ACER2: variants seen among roughly 807,000 people sequenced by gnomAD.
The protein encoded by ACER2 is alkCDase 2.
Under a neutral mutation model 34.7 loss-of-function variants are expected in ACER2, and 26 were observed. The ratio of observed to expected loss-of-function variants is 0.75; its 90% CI spans 0.55 to 1.04. The LOEUF (loss-of-function observed/expected upper bound fraction) is 1.04. ACER2 is among the 50% of genes least tolerant of loss of function. The probability of loss-of-function intolerance (pLI) is 0.00; values close to 1 mark genes in which losing one functional copy is unlikely to be tolerated. For synonymous variants in ACER2, 138 were observed against 132.1 expected (o/e 1.04, Z -0.31); for missense variants, 352 against 340.8 (o/e 1.03, Z -0.26).
At chr9:19,443,934 G>A (rs927537620) in intron 4 of ACER2, among the ~76,000 whole-genome samples, 3 of 152,158 alleles carry the variant, frequency 2.0e-5, no homozygotes, top group Non-Finnish European at 2.9e-5. Flanking sequence ...TGGGATTACA[G>A]GGGTGAGCTC....
Position 19,435,074 on chromosome 9 carries a change from G to T in ACER2, c.493G>T (p.Glu165Ter), listed in dbSNP as rs973641688. 2.4e-5 allele frequency: 39 copies of T among 1,614,054 alleles called. No homozygotes were observed. Among genetic ancestry groups the T allele is most frequent in the Non-Finnish European group, 3.1e-5 (37 of 1,179,994 alleles). ...GVPCTALLIA[E>*]LKRCDNMRVF... Reference sequence around the variant, plus strand: ...TCCTTGCACTGCACTGCTCATCGCAGAGCTAAAGAGGTAGGTGCCATCATT... The same window carrying T: ...TCCTTGCACTGCACTGCTCATCGCATAGCTAAAGAGGTAGGTGCCATCATT... Residue 165 changes from glutamate to a stop codon, truncating the protein, a stop_gained, in exon 4 of 6, where the codon GAG becomes TAG. Transcript: ENST00000340967. LOFTEE classifies it high-confidence loss of function.
At chr9:19,409,223 G>C in intron 1 of ACER2, 31 bp downstream of exon 1, 1 of 1,553,666 alleles carries the variant, frequency 6.4e-7, no homozygotes, top group Non-Finnish European at 8.7e-7. Flanking sequence ...GAAGGCAGGC[G>C]GGCCAGCGGG....
chr9:19,435,370 T>C (rs762470973), intron 4 of ACER2, among the ~76,000 whole-genome samples: 1 of 152,182 alleles, frequency 6.6e-6, no homozygotes, highest in Non-Finnish European at 1.5e-5. Flanking sequence ...GACTTAATTC[T>C]GTAGAAAAGA....
intron 3 of ACER2, among the ~76,000 whole-genome samples, chr9:19,433,493 TC>T (rs1477821437): frequency 2.0e-5 from 3 of 151,890 alleles, no homozygotes; most frequent in Non-Finnish European, 4.4e-5. Flanking sequence ...ATCAACAGGA[TC>T]CCAAGGCAGA....
At chr9:19,424,634 A>C in intron 2 of ACER2, 66 bp from the exon 3 acceptor site, 2 of 1,602,540 alleles carry the variant, frequency 1.2e-6, no homozygotes, top group Non-Finnish European at 1.7e-6. Context: ...GACTATCCTT[A>C]AGCAGTGTAT....
intron 5 of ACER2, among the ~76,000 whole-genome samples, chr9:19,447,969 TA>T (rs201473124): frequency 8.9e-6 from 1 of 112,158 alleles, no homozygotes; most frequent in Non-Finnish European, 2.2e-5. Context: ...TGTCTACTTT[TA>T]AAAAAAATAG....
intron 4 of ACER2, 45 bp from the exon 5 acceptor site, chr9:19,446,236 G>A (rs780183493): frequency 1.6e-5 from 26 of 1,614,040 alleles, no homozygotes; most frequent in Non-Finnish European, 1.9e-5. Flanking sequence ...GCAAGGAGGT[G>A]GAGACAAGGT....
chr9:19,418,910 G>T (rs1830320866), intron 1 of ACER2, among the ~76,000 whole-genome samples: 1 of 152,194 alleles, frequency 6.6e-6, no homozygotes, highest in Non-Finnish European at 1.5e-5. Flanking sequence ...CTGCTGGCCG[G>T]GTGCGGTGGC....
intron 3 of ACER2, 60 bp downstream of exon 3, chr9:19,424,901 G>A (rs759964520): frequency 4.6e-4 from 735 of 1,587,296 alleles, no homozygotes; most frequent in Non-Finnish European, 5.8e-4. Flanking sequence ...ATATAACAAT[G>A]TATATATGAA....
chr9:19,439,215 T>A (rs886510535), intron 4 of ACER2, among the ~76,000 whole-genome samples: 7 of 152,258 alleles, frequency 4.6e-5, no homozygotes, highest in Non-Finnish European at 2.9e-5. Context: ...AGTGGTAGTT[T>A]CATGGCAGGT....
chr9:19,424,673 T>C, intron 2 of ACER2, 27 bp from the exon 3 acceptor site: 3 of 1,611,888 alleles, frequency 1.9e-6, no homozygotes, highest in Non-Finnish European at 1.7e-6. Context: ...GTGGTGACCT[T>C]TTTTTATTGG....
At chr9:19,450,330 C>G (rs533694017) in intron 5 of ACER2, 120 bp from the exon 6 acceptor site, 3 of 1,368,380 alleles carry the variant, frequency 2.2e-6, no homozygotes, top group East Asian at 2.4e-5. Flanking sequence ...AGAAGAGGCC[C>G]CTGGGCTGCA....
intron 1 of ACER2, among the ~76,000 whole-genome samples, chr9:19,417,982 A>C (rs1246308978): frequency 6.6e-6 from 1 of 152,224 alleles, no homozygotes; most frequent in African/African-American, 2.4e-5. Flanking sequence ...TAAATCTACA[A>C]GGAACTTAAA....
intron 3 of ACER2, among the ~76,000 whole-genome samples, chr9:19,427,631 C>G (rs762604036): frequency 1.7e-4 from 23 of 135,030 alleles, no homozygotes; most frequent in African/African-American, 5.4e-4. Context: ...CTCCCTCCCC[C>G]CCTCCTTTCT....
At chr9:19,409,253 G>A in intron 1 of ACER2, 61 bp downstream of exon 1, 2 of 1,487,026 alleles carry the variant, frequency 1.3e-6, no homozygotes, top group Middle Eastern at 1.8e-4. Flanking sequence ...TTCCCGCGCC[G>A]CAGCGTCTGG....
At chr9:19,449,416 A>C (rs1182905950) in intron 5 of ACER2, among the ~76,000 whole-genome samples, 1 of 152,174 alleles carries the variant, frequency 6.6e-6, no homozygotes, top group Non-Finnish European at 1.5e-5. Flanking sequence ...TATGGTACAA[A>C]TATTCCCTGC....
At position 19,423,883 on chromosome 9, in the gene ACER2, A is replaced by G. The variant is rs1674259856; in HGVS notation, c.130A>G (p.Ile44Val). The G allele has an allele frequency of 6.2e-7, 1 of 1,613,548 alleles. No homozygotes were observed. The highest frequency in any genetic ancestry group is 8.5e-7 in the Non-Finnish European group (1 of 1,179,836). Residue 44 changes from isoleucine (I) to valine (V), a missense_variant, in exon 2 of 6, where the codon ATT (isoleucine) becomes GTT (valine). Ile to Val is a conservative substitution (Grantham distance 29). Transcript: ENST00000340967. ...GCAGATCAGCAATGTCTTATTTTTC[A>G]TTTTACCGCCCATCTGCATGTGCTT... Reference protein sequence around the residue: ...YNTISNVLFFILPPICMCLFR... With the variant: ...YNTISNVLFFVLPPICMCLFR...
chr9:19,423,837 T>C (rs765538669), intron 1 of ACER2, 25 bp from the exon 2 acceptor site: 2 of 1,576,194 alleles, frequency 1.3e-6, no homozygotes, highest in South Asian at 1.1e-5. Flanking sequence ...TACTCATCTT[T>C]CTGTTTTACA....
intron 1 of ACER2, among the ~76,000 whole-genome samples, chr9:19,418,079 C>T (rs903930749): frequency 6.6e-6 from 1 of 152,140 alleles, no homozygotes; most frequent in African/African-American, 2.4e-5. Context: ...TTTATGTGGC[C>T]TACAAACATA....
Sources: allele counts gnomAD v4.1 joint callset (sites outside exome capture counted in the v4.1 genomes callset), GRCh38; gene constraint gnomAD v4.1.1; transcripts MANE v1.5; gene names NCBI Gene and HGNC (gene_info 2026-07-23, HGNC 2026-07-21).